XKR6: variants seen among roughly 807,000 people sequenced by gnomAD.
XKR6 encodes the protein XK-related protein 6.
A neutral mutation model predicts 56.7 loss-of-function variants in XKR6; 22 were observed. The ratio of observed to expected loss-of-function variants is 0.39; its 90% CI spans 0.28 to 0.55. The LOEUF (loss-of-function observed/expected upper bound fraction) is 0.55, where lower values mean the gene tolerates loss of function less well. Ranked by LOEUF, XKR6 falls within the 20% of genes least tolerant of loss-of-function variation. The pLI, the probability that XKR6 is intolerant of heterozygous loss-of-function variation, is 0.66. For synonymous variants in XKR6, 524 were observed against 387.8 expected (o/e 1.35, Z -4.13); for missense variants, 852 against 889.0 (o/e 0.96, Z 0.53).
At chr8:11,151,774 G>A (rs956855917) in intron 1 of XKR6, among the ~76,000 whole-genome samples, 4 of 151,486 alleles carry the variant, frequency 2.6e-5, no homozygotes, top group South Asian at 2.1e-4. Flanking sequence ...CCCCCGCTCC[G>A]CCTTTTAAAA....
At chr8:10,958,016 G>T (rs1169499459) in intron 1 of XKR6, among the ~76,000 whole-genome samples, 2 of 152,178 alleles carry the variant, frequency 1.3e-5, no homozygotes, top group African/African-American at 4.8e-5. Flanking sequence ...AGAAACCCAC[G>T]TGATCTGGAA....
In XKR6 at chr8:10,994,838, G is replaced by T. The variant is rs570774469; in HGVS notation, c.765-70008C>A. On this transcript the variant is annotated intron_variant, in intron 1 of 2. Transcript: ENST00000416569. Reference sequence around the variant, plus strand: ...AAAATCAAATTCCAAAGCTCATGAGGCCTCCCCCTAAATTTTAGCCCAGAA... The same window carrying T: ...AAAATCAAATTCCAAAGCTCATGAGTCCTCCCCCTAAATTTTAGCCCAGAA... Among the ~76,000 whole-genome samples, 3 of 152,286 alleles carry T rather than the reference G, an allele frequency of 2.0e-5. No individual in the cohort carries two copies. The East Asian group carries it at 5.8e-4, about 29-fold the overall frequency.
At chr8:11,055,295 A>T (rs1250691537) in intron 1 of XKR6, among the ~76,000 whole-genome samples, 1 of 152,106 alleles carries the variant, frequency 6.6e-6, no homozygotes, top group Non-Finnish European at 1.5e-5. Context: ...AGGCCAAGGC[A>T]ATAAGATCCC....
rs571987381 is a variant in XKR6 at position 11,195,218 on chromosome 8, C to G, written c.764+5358G>C. ...TCCTTGATGGTACCAAAGGGTCTTG[C>G]CCACTGCAACATTATAAAAAATAAT... is the stretch of plus-strand genomic sequence containing the variant. On this transcript the variant is annotated intron_variant, in intron 1 of 2. Transcript: ENST00000416569. The G allele has an allele frequency of 9.3e-5, 65 of 702,352 alleles. 2 individuals carry two copies. In the South Asian group the frequency reaches 9.3e-4, roughly 10 times the overall value. 43.5% of individuals were successfully genotyped at this position (702,352 alleles called of 1,614,324 possible).
intron 1 of XKR6, among the ~76,000 whole-genome samples, chr8:10,984,732 C>CTCTCTCTATATATA: frequency 1.1e-3 from 50 of 47,486 alleles, no homozygotes; most frequent in African/African-American, 2.2e-3. Flanking sequence ...CTCTCTCTCT[C>CTCTCTCTATATATA]TATATATATA....
chr8:10,945,727 G>A (rs1294299584), intron 1 of XKR6, among the ~76,000 whole-genome samples: 2 of 152,172 alleles, frequency 1.3e-5, no homozygotes, highest in Non-Finnish European at 2.9e-5. Flanking sequence ...TTGAACTCTG[G>A]AAAGTTCATA....
chr8:10,942,452 C>CTCCTGCTCCCAGGACT (rs1268199969), intron 1 of XKR6, among the ~76,000 whole-genome samples: 1 of 152,226 alleles, frequency 6.6e-6, no homozygotes, highest in Non-Finnish European at 1.5e-5. Flanking sequence ...TGTGCTTCCC[C>CTCCTGCTCCCAGGACT]TCCTGCTCCC....
intron 1 of XKR6, among the ~76,000 whole-genome samples, chr8:10,981,806 AGTGGAG>A (rs1797740961): frequency 6.6e-6 from 1 of 152,216 alleles, no homozygotes; most frequent in Non-Finnish European, 1.5e-5. Context: ...TTCTTTCTCC[AGTGGAG>A]GTGCCACCAT....
At chr8:11,142,426 C>T (rs1361631715) in intron 1 of XKR6, among the ~76,000 whole-genome samples, 1 of 152,196 alleles carries the variant, frequency 6.6e-6, no homozygotes, top group Non-Finnish European at 1.5e-5. Flanking sequence ...TGTTTAACCC[C>T]TCCAAATCTC....
chr8:10,979,421 G>T (rs1797674696), intron 1 of XKR6, among the ~76,000 whole-genome samples: 2 of 152,062 alleles, frequency 1.3e-5, no homozygotes, highest in East Asian at 2.0e-4. Context: ...GTTCCTGGGG[G>T]ACCTGCCGAG....
chr8:10,924,564 G>T (rs1358013395), intron 2 of XKR6, 70 bp downstream of exon 2: 1 of 1,536,648 alleles, frequency 6.5e-7, no homozygotes, highest in South Asian at 1.2e-5. Flanking sequence ...CACGAAGTGT[G>T]TGGGAGGCGG....
intron 1 of XKR6, among the ~76,000 whole-genome samples, chr8:11,034,874 C>T (rs1467789977): frequency 1.3e-5 from 2 of 152,230 alleles, no homozygotes; most frequent in Non-Finnish European, 2.9e-5. Flanking sequence ...CTTGCCTGTT[C>T]CCTCACAGTG....
chr8:10,938,103 A>G (rs7000772), intron 1 of XKR6, among the ~76,000 whole-genome samples: 72,377 of 151,840 alleles, frequency 0.48, 18,342 homozygotes, highest in African/African-American at 0.59. Flanking sequence ...TAGTCTCGTG[A>G]TGCGCCGTTT....
At chr8:11,194,223 A>T (rs1224605959) in intron 1 of XKR6, among the ~76,000 whole-genome samples, 1 of 152,208 alleles carries the variant, frequency 6.6e-6, no homozygotes, top group African/African-American at 2.4e-5. Context: ...TTTACACTGA[A>T]GGGACATTAA....
intron 1 of XKR6, among the ~76,000 whole-genome samples, chr8:11,167,977 G>C (rs1802172199): frequency 7.0e-6 from 1 of 142,788 alleles, no homozygotes; most frequent in African/African-American, 2.6e-5. Context: ...GACCACACAA[G>C]ACAAGGAATA....
chr8:11,151,051 T>C (rs1418477774), intron 1 of XKR6, among the ~76,000 whole-genome samples: 1 of 152,118 alleles, frequency 6.6e-6, no homozygotes, highest in Admixed American at 6.6e-5. Context: ...CAAACTAATA[T>C]GCTTCATATA....
chr8:11,085,789 C>A (rs1049128943), intron 1 of XKR6, among the ~76,000 whole-genome samples: 13 of 152,176 alleles, frequency 8.5e-5, no homozygotes, highest in African/African-American at 3.1e-4. Context: ...CCAGTCTCTC[C>A]CCTTCCTCCT....
intron 1 of XKR6, among the ~76,000 whole-genome samples, chr8:10,954,319 T>C (rs11250097): frequency 0.58 from 87,583 of 152,178 alleles, 27,812 homozygotes; most frequent in African/African-American, 0.84. Context: ...CACATCCTTG[T>C]CAACACTTGT....
At chr8:11,032,448 G>C (rs1232004940) in intron 1 of XKR6, among the ~76,000 whole-genome samples, 1 of 152,166 alleles carries the variant, frequency 6.6e-6, no homozygotes, top group African/African-American at 2.4e-5. Context: ...GCTCAGCTAC[G>C]CATGCTATTT....
Sources: gnomAD v4.1 joint callset for allele counts (sites outside exome capture counted in the v4.1 genomes callset) on GRCh38, gnomAD v4.1.1 for gene constraint, MANE v1.5 for transcripts, NCBI Gene and HGNC (gene_info 2026-07-23, HGNC 2026-07-21) for gene names.